FANCC: variants seen among roughly 807,000 people sequenced by gnomAD.
FANCC encodes Fanconi anemia group C protein.
A neutral mutation model predicts 71.3 loss-of-function variants in FANCC; 55 were observed. The ratio of observed to expected loss-of-function variants is 0.77; its 90% CI spans 0.62 to 0.97. FANCC has a LOEUF of 0.97. FANCC is among the 50% of genes least tolerant of loss of function. FANCC has a pLI of 0.00. For synonymous variants in FANCC, 275 were observed against 244.9 expected (o/e 1.12, Z -1.15); for missense variants, 678 against 670.9 (o/e 1.01, Z -0.12).
chr9:95,278,144 G>A (rs918057373), intron 1 of FANCC, among the ~76,000 whole-genome samples: 1 of 152,142 alleles, frequency 6.6e-6, no homozygotes, highest in African/African-American at 2.4e-5. Context: ...ATTGGGCTAA[G>A]GAAGTAACTA....
At chr9:95,275,406 G>A (rs1160829067) in intron 1 of FANCC, among the ~76,000 whole-genome samples, 1 of 152,172 alleles carries the variant, frequency 6.6e-6, no homozygotes, top group Non-Finnish European at 1.5e-5. Flanking sequence ...TATTCTGTAT[G>A]ATACTATAAT....
intron 13 of FANCC, chr9:95,111,020 A>C: frequency 6.9e-7 from 1 of 1,440,386 alleles, no homozygotes; most frequent in Non-Finnish European, 9.1e-7. Context: ...GACTGATCCA[A>C]GAAAGGAGAC....
At chr9:95,126,986 G>A (rs919130112) in intron 8 of FANCC, 1 of 242,322 alleles carries the variant, frequency 4.1e-6, no homozygotes, top group East Asian at 9.5e-5. Context: ...TCGAGGTCAG[G>A]CCCGTGCCTG....
At chr9:95,123,280 G>C in intron 10 of FANCC, 1 of 283,944 alleles carries the variant, frequency 3.5e-6, no homozygotes, top group Non-Finnish European at 6.8e-6. Context: ...CTCCAGCCTT[G>C]GTGGCAGAGT....
intron 1 of FANCC, among the ~76,000 whole-genome samples, chr9:95,276,501 T>G (rs1833050025): frequency 6.6e-6 from 1 of 152,194 alleles, no homozygotes; most frequent in Non-Finnish European, 1.5e-5. Flanking sequence ...AGTAACAGCA[T>G]GATTATTTCT....
At chr9:95,128,795 ACT>A (rs1171823899) in intron 8 of FANCC, among the ~76,000 whole-genome samples, 1 of 152,188 alleles carries the variant, frequency 6.6e-6, no homozygotes, top group African/African-American at 2.4e-5. Flanking sequence ...ACCCTTGGCT[ACT>A]CTCAGCCTGC....
intron 4 of FANCC, among the ~76,000 whole-genome samples, chr9:95,199,351 CCT>C (rs1827662983): frequency 6.6e-6 from 1 of 151,624 alleles, no homozygotes; most frequent in Non-Finnish European, 1.5e-5. Context: ...CACCCACAGC[CCT>C]CTCTGCCTCC....
At chr9:95,125,285 G>T in intron 9 of FANCC, 100 bp from the exon 10 acceptor site, 1 of 915,226 alleles carries the variant, frequency 1.1e-6, no homozygotes. Flanking sequence ...CTTTTTTTGT[G>T]CCATAAGCTT....
chr9:95,220,106 C>T (rs534493975), intron 4 of FANCC, among the ~76,000 whole-genome samples: 2 of 152,284 alleles, frequency 1.3e-5, no homozygotes, highest in Admixed American at 1.3e-4. Flanking sequence ...AGCCAACAGA[C>T]ACAGGAAAAA....
chr9:95,303,082 A>G (rs1173760494), intron 1 of FANCC, among the ~76,000 whole-genome samples: 1 of 152,232 alleles, frequency 6.6e-6, no homozygotes, highest in Non-Finnish European at 1.5e-5. Flanking sequence ...ACGGTTGTAC[A>G]GCCAGACTTT....
At chr9:95,295,140 G>C (rs1046121924) in intron 1 of FANCC, among the ~76,000 whole-genome samples, 1 of 151,960 alleles carries the variant, frequency 6.6e-6, no homozygotes, top group Non-Finnish European at 1.5e-5. Context: ...TTTTGGATAA[G>C]ACCACAAAAG....
chr9:95,114,639 GGT>G lies in FANCC; in HGVS notation c.1142_1143del (p.Asp381AlafsTer11). 1 of 1,613,912 alleles carries G rather than the reference GGT, an allele frequency of 6.2e-7. No individual in the cohort carries two copies. Among genetic ancestry groups the G allele is most frequent in the Non-Finnish European group, 8.5e-7 (1 of 1,179,786 alleles). On this transcript the variant is annotated frameshift_variant, in exon 12 of 15. Coordinates refer to ENST00000289081, the MANE Select transcript of FANCC (RefSeq NM_000136.3). LOFTEE classifies it high-confidence loss of function. ...ISELLREAVEDQTHGSCGGPF... is the reference protein window; with the variant it reads ...ISELLREAVEXQTHGSCGGPF... Reference sequence around the variant, plus strand: ...TCAGTGTTTGCTCACCCATGAGTCTGGTCTTCAACTGCTTCTCTGAGCAGTTC... The same window carrying G: ...TCAGTGTTTGCTCACCCATGAGTCTGCTTCAACTGCTTCTCTGAGCAGTTC...
rs1050263641 is a variant in FANCC at position 95,292,788 on chromosome 9, G to C, written c.-79+24738C>G. On this transcript the variant is annotated intron_variant, in intron 1 of 14. Transcript: ENST00000289081. ...CAGACCATTTTCTCAGTTTTCTCTCGTAAAACAGCACTTTATGAAAATCCA... is the reference window on the plus strand; with the variant it reads ...CAGACCATTTTCTCAGTTTTCTCTCCTAAAACAGCACTTTATGAAAATCCA... 27 of 1,543,894 alleles carry C rather than the reference G, an allele frequency of 1.7e-5. No homozygotes were observed. In the East Asian group the frequency reaches 3.8e-4, roughly 22 times the overall value.
chr9:95,107,348 G>T, intron 13 of FANCC, 79 bp from the exon 14 acceptor site: 1 of 1,481,412 alleles, frequency 6.8e-7, no homozygotes, highest in Non-Finnish European at 9.2e-7. Flanking sequence ...TATTTGCTTT[G>T]AAACAACCCC....
At chr9:95,202,067 T>C (rs1455084320) in intron 4 of FANCC, among the ~76,000 whole-genome samples, 1 of 152,252 alleles carries the variant, frequency 6.6e-6, no homozygotes, top group Non-Finnish European at 1.5e-5. Context: ...ATTAGGTGTT[T>C]GGCAGCACTC....
chr9:95,114,598 GTAGATT>G, intron 12 of FANCC, 25 bp downstream of exon 12: 1 of 1,583,838 alleles, frequency 6.3e-7, no homozygotes, highest in Non-Finnish European at 8.7e-7. Context: ...CATGTGTGAA[GTAGATT>G]TGGGAGTGGT....
chr9:95,119,464 C>G (rs1217838499), intron 10 of FANCC, among the ~76,000 whole-genome samples: 2 of 151,264 alleles, frequency 1.3e-5, no homozygotes, highest in African/African-American at 4.9e-5. Flanking sequence ...CTCCCAGGTT[C>G]AAGCGATTCT....
intron 1 of FANCC, chr9:95,293,434 G>A: frequency 1.3e-6 from 2 of 1,573,764 alleles, no homozygotes; most frequent in Non-Finnish European, 1.7e-6. Context: ...CTTAAAGAGA[G>A]CCTACTTCTT....
rs557771810 is a variant in FANCC at position 95,140,351 on chromosome 9, C to T, written c.687-4849G>A. On this transcript the variant is annotated intron_variant, in intron 7 of 14. Transcript: ENST00000289081. ...ATTTAGAAAACTCTACTTTGTTTCC[C>T]CCAAATACTCAGTTTAGTGAGGCAG... 3.3e-5 allele frequency among the ~76,000 whole-genome samples: 5 copies of T among 152,196 alleles called. No homozygotes were observed. In the South Asian group the frequency reaches 1.0e-3, roughly 32 times the overall value.
Sources: gnomAD v4.1 joint callset for allele counts (sites outside exome capture counted in the v4.1 genomes callset) on GRCh38, gnomAD v4.1.1 for gene constraint, MANE v1.5 for transcripts, NCBI Gene and HGNC (gene_info 2026-07-23, HGNC 2026-07-21) for gene names.